TBC1D4: variants seen among roughly 807,000 people sequenced by gnomAD.
The protein encoded by TBC1D4 is TBC1 domain family member 4, also known as TBC (Tre-2, BUB2, CDC16) domain-containing protein.
Under a neutral mutation model 142.5 loss-of-function variants are expected in TBC1D4, and 121 were observed. The observed-to-expected ratio is 0.85, with a 90% CI of 0.73 to 0.99. The LOEUF is 0.99. Among genes scored for constraint, TBC1D4 ranks in the 50% least tolerant of loss-of-function variants. TBC1D4 has a pLI of 0.00. For missense variants in TBC1D4, 1,475 were observed against 1,606.6 expected (o/e 0.92, Z 1.40); for synonymous variants, 630 against 628.2 (o/e 1.00, Z -0.04).
intron 9 of TBC1D4, 40 bp from the exon 10 acceptor site, chr13:75,326,463 G>A (rs756996286): frequency 6.2e-7 from 1 of 1,605,688 alleles, no homozygotes; most frequent in South Asian, 1.1e-5. Flanking sequence ...TTTCCCACGT[G>A]GGTCATGGCA....
chr13:75,350,245 C>G (rs956894288), intron 4 of TBC1D4, among the ~76,000 whole-genome samples: 3 of 152,190 alleles, frequency 2.0e-5, no homozygotes, highest in African/African-American at 7.2e-5. Flanking sequence ...ATTTACCATG[C>G]TTGGTAAGCA....
chr13:75,405,196 T>C (rs1885275039), intron 1 of TBC1D4, among the ~76,000 whole-genome samples: 1 of 151,482 alleles, frequency 6.6e-6, no homozygotes, highest in Admixed American at 6.6e-5. Context: ...CATATAATTT[T>C]TGCAAAAAAA....
intron 1 of TBC1D4, among the ~76,000 whole-genome samples, chr13:75,409,885 T>G (rs1885538060): frequency 6.6e-6 from 1 of 152,234 alleles, no homozygotes; most frequent in African/African-American, 2.4e-5. Flanking sequence ...CTTGCCCTGC[T>G]ATATCATCTC....
chr13:75,394,270 A>G (rs114682107), intron 1 of TBC1D4, among the ~76,000 whole-genome samples: 2,998 of 152,296 alleles, frequency 0.02, 97 homozygotes, highest in African/African-American at 0.068. Context: ...GTCATCTCAG[A>G]CCCATTAATT....
At chr13:75,398,357 G>A (rs1243317424) in intron 1 of TBC1D4, among the ~76,000 whole-genome samples, 3 of 152,328 alleles carry the variant, frequency 2.0e-5, no homozygotes, top group Non-Finnish European at 4.4e-5. Flanking sequence ...AATGGGTTTT[G>A]TGTGGAGCCT....
At chr13:75,405,848 A>T (rs536534169) in intron 1 of TBC1D4, among the ~76,000 whole-genome samples, 1 of 152,328 alleles carries the variant, frequency 6.6e-6, no homozygotes, top group South Asian at 2.1e-4. Context: ...TGGAAGTTTG[A>T]GTAAACTTCT....
chr13:75,304,542 A>C (rs923856408), intron 15 of TBC1D4, among the ~76,000 whole-genome samples: 1 of 152,188 alleles, frequency 6.6e-6, no homozygotes, highest in Non-Finnish European at 1.5e-5. Flanking sequence ...GATTAAGTAT[A>C]ATAAATCACG....
intron 1 of TBC1D4, among the ~76,000 whole-genome samples, chr13:75,442,138 ACCTCAAAAGAAAAAT>A (rs1887068878): frequency 6.6e-6 from 1 of 152,202 alleles, no homozygotes; most frequent in Non-Finnish European, 1.5e-5. Context: ...ATATAGGGTA[ACCTCAAAAGAAAAAT>A]GTTACATCTC....
chr13:75,289,758 G>A (rs1302622595), intron 19 of TBC1D4, among the ~76,000 whole-genome samples: 1 of 152,108 alleles, frequency 6.6e-6, no homozygotes, highest in Non-Finnish European at 1.5e-5. Flanking sequence ...GGCTGCTACT[G>A]CTCTCCCATG....
At chr13:75,408,418 C>G (rs1030433518) in intron 1 of TBC1D4, among the ~76,000 whole-genome samples, 4 of 152,168 alleles carry the variant, frequency 2.6e-5, no homozygotes, top group Admixed American at 2.0e-4. Context: ...TGAAAATTCA[C>G]ATACGAGGGT....
chr13:75,318,541 T>C (rs1399725869), intron 12 of TBC1D4, among the ~76,000 whole-genome samples: 1 of 152,206 alleles, frequency 6.6e-6, no homozygotes, highest in East Asian at 1.9e-4. Context: ...CAATTTCATT[T>C]CATAGAAATG....
intron 12 of TBC1D4, among the ~76,000 whole-genome samples, chr13:75,315,852 C>T (rs1388050001): frequency 6.6e-6 from 1 of 152,102 alleles, no homozygotes; most frequent in East Asian, 1.9e-4. Flanking sequence ...ATGTTCTGAA[C>T]TGTTGATGGC....
intron 8 of TBC1D4, among the ~76,000 whole-genome samples, chr13:75,334,468 A>G (rs570871060): frequency 5.2e-4 from 35 of 66,798 alleles, no homozygotes; most frequent in East Asian, 2.8e-3. Flanking sequence ...GATTGTATAT[A>G]TAATATGTCT....
chr13:75,389,595 A>G (rs1320434051), intron 1 of TBC1D4, among the ~76,000 whole-genome samples: 5 of 152,096 alleles, frequency 3.3e-5, no homozygotes, highest in Non-Finnish European at 5.9e-5. Flanking sequence ...TAATTATGAG[A>G]AACAGTTAAT....
At chr13:75,349,532 C>G (rs561003883) in intron 4 of TBC1D4, among the ~76,000 whole-genome samples, 1 of 152,146 alleles carries the variant, frequency 6.6e-6, no homozygotes, top group Non-Finnish European at 1.5e-5. Context: ...TATAATACCG[C>G]TCTGTTAATT....
intron 1 of TBC1D4, among the ~76,000 whole-genome samples, chr13:75,451,390 T>C (rs995818399): frequency 1.3e-5 from 2 of 151,834 alleles, no homozygotes; most frequent in Admixed American, 1.3e-4. Flanking sequence ...TAAGCATACA[T>C]TCTAGGACTG....
chr13:75,378,219 A>C (rs973155128), intron 1 of TBC1D4, among the ~76,000 whole-genome samples: 1 of 152,172 alleles, frequency 6.6e-6, no homozygotes, highest in South Asian at 2.1e-4. Flanking sequence ...AAGTTGGTTT[A>C]AGTTATTGAA....
chr13:75,329,935 G>T (rs543979856), intron 8 of TBC1D4, among the ~76,000 whole-genome samples: 5 of 152,168 alleles, frequency 3.3e-5, no homozygotes, highest in Non-Finnish European at 7.3e-5. Context: ...TTGCCCTTTG[G>T]CATTGTGAAA....
intron 1 of TBC1D4, among the ~76,000 whole-genome samples, chr13:75,421,471 G>A (rs1284032572): frequency 2.0e-5 from 3 of 152,092 alleles, no homozygotes; most frequent in Non-Finnish European, 2.9e-5. Context: ...TTATTTGCTG[G>A]GAAACTGTTA....
Sources: allele counts gnomAD v4.1 joint callset (sites outside exome capture counted in the v4.1 genomes callset), GRCh38; gene constraint gnomAD v4.1.1; transcripts MANE v1.5; gene names NCBI Gene and HGNC (gene_info 2026-07-23, HGNC 2026-07-21).